Variants in EME1 observed in about 807,000 individuals in gnomAD.
The protein encoded by EME1 is essential meiotic structure-specific endonuclease 1.
EME1 carries 61 observed loss-of-function variants against 59.1 expected under a neutral mutation model. That is an observed-to-expected ratio of 1.03 (90% CI 0.84 to 1.28). The LOEUF (loss-of-function observed/expected upper bound fraction) is 1.28. EME1 is among the 50% of genes most tolerant of loss of function. EME1 has a pLI of 0.00. For missense variants in EME1, 635 were observed against 682.6 expected (o/e 0.93, Z 0.78); for synonymous variants, 230 against 254.2 (o/e 0.90, Z 0.90).
At chr17:50,374,097 G>A (rs114339925) in intron 1 of EME1, among the ~76,000 whole-genome samples, 3,140 of 152,252 alleles carry the variant, frequency 0.021, 53 homozygotes, top group Middle Eastern at 0.048. Context: ...GGACAGTGAC[G>A]GCTTAATGGC....
chr17:50,378,748 A>G, intron 4 of EME1, 26 bp from the exon 5 acceptor site: 1 of 1,614,208 alleles, frequency 6.2e-7, no homozygotes, highest in Non-Finnish European at 8.5e-7. Context: ...AGCAAGTATT[A>G]ATGCAGTTTC....
chr17:50,375,760 A>G lies in EME1; in HGVS notation c.552A>G (p.Ala184=). Residue 184 remains alanine, a synonymous_variant, in exon 2 of 9, where the codon GCA becomes GCG. Coordinates refer to ENST00000338165, the MANE Select transcript of EME1 (RefSeq NM_152463.4). Reference sequence around the variant, plus strand: ...GCCCTGGCCAGAGCAGCAGCTTGGCAGTAACCAAAACAAATTCTGACATCC... The same window carrying G: ...GCCCTGGCCAGAGCAGCAGCTTGGCGGTAACCAAAACAAATTCTGACATCC... ...STCPGQSSSL[A]VTKTNSDILP... is the part of the protein sequence containing the mutation. 1 of 1,614,190 alleles carries G rather than the reference A, an allele frequency of 6.2e-7. No homozygotes were observed. Among genetic ancestry groups the G allele is most frequent in the Non-Finnish European group, 8.5e-7 (1 of 1,180,026 alleles).
In EME1 at chr17:50,375,212, G is replaced by C; in HGVS notation, c.4G>C (p.Ala2Pro). The C allele has an allele frequency of 3.1e-6, 5 of 1,613,558 alleles. No individual in the cohort carries two copies. The highest frequency in any genetic ancestry group is 1.3e-5 in the African/African-American group (1 of 74,964). Residue 2 changes from alanine to proline, a missense_variant, in exon 2 of 9, where the codon GCT (alanine) becomes CCT (proline). Coordinates refer to ENST00000338165, the MANE Select transcript of EME1 (RefSeq NM_152463.4). The part of the protein sequence containing the change: M[A>P]LKKSSPSLDS... ...AATTATTTGATAGCACATACTGATG[G>C]CTCTAAAGAAGTCATCACCCTCACT...
Position 50,381,258 on chromosome 17 carries a change from A to G in EME1, c.*319A>G, listed in dbSNP as rs1303874376. On this transcript the variant is annotated 3_prime_UTR_variant, in exon 9 of 9. Transcript: ENST00000338165. ...GACAGTCCACTCAGACACTTATTTA[A>G]TAACTGTAGAAATCCAAAAGAATTA... 7.0e-6 allele frequency: 2 copies of G among 286,994 alleles called. No individual in the cohort carries two copies. The highest frequency in any genetic ancestry group is 4.7e-5 in the Admixed American group (1 of 21,406). 17.8% of individuals were successfully genotyped at this position (286,994 alleles called of 1,614,324 possible).
chr17:50,373,376 C>T, intron 1 of EME1, 99 bp downstream of exon 1: 1 of 651,020 alleles, frequency 1.5e-6, no homozygotes, highest in Non-Finnish European at 2.6e-6. Context: ...GGAGCCTCTG[C>T]AGCGGACCGC....
Position 50,373,279 on chromosome 17 carries a change from T to A in EME1, c.-25+2T>A, listed in dbSNP as rs1252533404. 6.7e-7 allele frequency: 1 copy of A among 1,498,994 alleles called. No homozygotes were observed. The highest frequency in any genetic ancestry group is 9.1e-7 in the Non-Finnish European group (1 of 1,099,966). 92.9% of individuals were successfully genotyped at this position (1,498,994 alleles called of 1,614,324 possible). A position where few individuals can be genotyped will look rare whatever the true frequency, so the allele number is the denominator to read the frequency against. On this transcript the variant is annotated splice_donor_variant, in intron 1 of 8. Transcript: ENST00000338165. LOFTEE classifies it low-confidence loss of function (5UTR_SPLICE). ...AAAGAGTGGCGGGAGAAGTTGCAGG[T>A]GAGCGTCCCCGGTCGCAGGCCTGCG...
rs551030336 is a variant in EME1, at chr17:50,375,466, A to G, written c.258A>G (p.Glu86=). The change falls in exon 2 of 9, where the codon GAA becomes GAG. Residue 86 remains glutamate (E), a synonymous_variant. Transcript: ENST00000338165. Reference sequence around the variant, plus strand: ...AGCCAGTCAGGTTGCTAAGCAGTGAAAGTGAAGATGAAGAAGAATTTATTC... The same window carrying G: ...AGCCAGTCAGGTTGCTAAGCAGTGAGAGTGAAGATGAAGAAGAATTTATTC... The part of the protein sequence containing the change: ...QTQPVRLLSS[E]SEDEEEFIPL... 6.2e-7 allele frequency: 1 copy of G among 1,614,050 alleles called. No homozygotes were observed. The highest frequency in any genetic ancestry group is 1.3e-5 in the African/African-American group (1 of 75,030).
chr17:50,377,874 G>A (rs1257917605), intron 3 of EME1, among the ~76,000 whole-genome samples: 2 of 151,872 alleles, frequency 1.3e-5, no homozygotes, highest in Non-Finnish European at 2.9e-5. Flanking sequence ...TTCTGCCTCA[G>A]CCTCCCAAGT....
Position 50,375,607 on chromosome 17 carries a change from T to C in EME1, c.399T>C (p.Cys133=), listed in dbSNP as rs1484591518. ...ATCAAAATAATGAAGGTGCATCATG[T>C]GACTGGAAAAAGCCCTTTCCAAAGA... ...LDHQNNEGAS[C]DWKKPFPKIP... is the part of the protein sequence containing the mutation. The change falls in exon 2 of 9, where the codon TGT becomes TGC. Residue 133 remains cysteine (C), a synonymous_variant. Coordinates refer to ENST00000338165, the MANE Select transcript of EME1 (RefSeq NM_152463.4). 1 of 1,572,660 alleles carries C rather than the reference T, an allele frequency of 6.4e-7. No homozygotes were observed. The highest frequency in any genetic ancestry group is 8.6e-7 in the Non-Finnish European group (1 of 1,166,260).
Position 50,375,420 on chromosome 17 carries a change from C to T in EME1, c.212C>T (p.Ala71Val). Residue 71 changes from alanine (A) to valine (V), a missense_variant, in exon 2 of 9, where the codon GCT (alanine) becomes GTT (valine). Coordinates refer to ENST00000338165, the MANE Select transcript of EME1 (RefSeq NM_152463.4). ...TTTTCACCACCTGTCCCAGAAATAG[C>T]TGAAACTGTCACACAAACACAGCCA... ...ELFSPPVPEI[A>V]ETVTQTQPVR... The T allele has an allele frequency of 6.2e-7, 1 of 1,614,218 alleles. No homozygotes were observed. Among genetic ancestry groups the T allele is most frequent in the East Asian group, 2.2e-5 (1 of 44,894 alleles).
intron 1 of EME1, among the ~76,000 whole-genome samples, chr17:50,374,057 T>C (rs1913304982): frequency 6.6e-6 from 1 of 150,686 alleles, no homozygotes; most frequent in African/African-American, 2.5e-5. Flanking sequence ...GACAGATTTA[T>C]GGTTGCCAGG....
rs1269144371 is a variant in EME1, at chr17:50,381,004, C to T, written c.*65C>T. On this transcript the variant is annotated 3_prime_UTR_variant, in exon 9 of 9. Transcript: ENST00000338165. ...CCACTTCCCCAACCTCAGAGCCTGACTGTAATGAAGAGACTGGCAGCACCT... is the reference window on the plus strand; with the variant it reads ...CCACTTCCCCAACCTCAGAGCCTGATTGTAATGAAGAGACTGGCAGCACCT... 8.2e-6 allele frequency: 13 copies of T among 1,576,766 alleles called. No homozygotes were observed. The highest frequency in any genetic ancestry group is 1.1e-5 in the South Asian group (1 of 89,538).
chr17:50,377,864 T>C (rs1913556186), intron 3 of EME1, among the ~76,000 whole-genome samples: 2 of 152,140 alleles, frequency 1.3e-5, no homozygotes, highest in Admixed American at 1.3e-4. Context: ...CAAGTGATTC[T>C]TCTGCCTCAG....
At position 50,381,244 on chromosome 17, in the gene EME1, CAG is replaced by C. The variant is rs1913825829; in HGVS notation, c.*307_*308del. 1 of 324,528 alleles carries C rather than the reference CAG, an allele frequency of 3.1e-6. No individual in the cohort carries two copies. The allele number at this position is 324,528 out of a possible 1,614,324, so 20.1% of individuals were successfully genotyped here. On this transcript the variant is annotated 3_prime_UTR_variant, in exon 9 of 9. Coordinates refer to ENST00000338165, the MANE Select transcript of EME1 (RefSeq NM_152463.4). ...CACAAAGGAACAAAGACAGTCCACT[CAG>C]ACACTTATTTAATAACTGTAGAAAT...
chr17:50,380,954 G>A lies in EME1; in HGVS notation c.*15G>A, dbSNP rs1913803982. The A allele has an allele frequency of 6.2e-7, 1 of 1,612,044 alleles. No homozygotes were observed. The highest frequency in any genetic ancestry group is 8.5e-7 in the Non-Finnish European group (1 of 1,178,370). ...GTGCTGACTGATTCTAGCCCTCAGGGATGAGGATGAAAAGCTGGAAACTTC... is the reference window on the plus strand; with the variant it reads ...GTGCTGACTGATTCTAGCCCTCAGGAATGAGGATGAAAAGCTGGAAACTTC... On this transcript the variant is annotated 3_prime_UTR_variant, in exon 9 of 9. Coordinates refer to ENST00000338165, the MANE Select transcript of EME1 (RefSeq NM_152463.4).
Position 50,379,552 on chromosome 17 carries a change from C to T in EME1, c.1331C>T (p.Ala444Val). 6.2e-7 allele frequency: 1 copy of T among 1,614,132 alleles called. No individual in the cohort carries two copies. The highest frequency in any genetic ancestry group is 1.1e-5 in the South Asian group (1 of 91,068). Residue 444 changes from alanine to valine, a missense_variant, in exon 7 of 9, where the codon GCT becomes GTT. Transcript: ENST00000338165. ...DFTCAFTKAV[A>V]EAPFKKLRDE... ...ACATGCGCATTCACAAAGGCTGTGGCTGAGGCGCCCTTCAAGTGAGTAACC... is the reference window on the plus strand; with the variant it reads ...ACATGCGCATTCACAAAGGCTGTGGTTGAGGCGCCCTTCAAGTGAGTAACC...
At chr17:50,375,096 T>C in intron 1 of EME1, 89 bp from the exon 2 acceptor site, 4 of 1,007,890 alleles carry the variant, frequency 4.0e-6, no homozygotes, top group Non-Finnish European at 5.9e-6. Context: ...CTATATCTTA[T>C]ATTTATGTCA....
intron 1 of EME1, 81 bp downstream of exon 1, chr17:50,373,358 G>A (rs1913261086): frequency 1.3e-6 from 1 of 768,938 alleles, no homozygotes; most frequent in East Asian, 2.7e-5. Context: ...TGGTGGCTAA[G>A]GTGTCCAGGA....
chr17:50,378,541 T>C, intron 3 of EME1, 54 bp from the exon 4 acceptor site: 7 of 1,579,504 alleles, frequency 4.4e-6, no homozygotes, highest in Non-Finnish European at 6.1e-6. Flanking sequence ...CTCTCACAGG[T>C]GCTCAATACC....
Sources: allele counts gnomAD v4.1 joint callset (sites outside exome capture counted in the v4.1 genomes callset), GRCh38; gene constraint gnomAD v4.1.1; transcripts MANE v1.5; gene names NCBI Gene and HGNC (gene_info 2026-07-23, HGNC 2026-07-21).